UBE2E2: variants seen among roughly 807,000 people sequenced by gnomAD.
The protein encoded by UBE2E2 is ubiquitin conjugating enzyme E2 E2, also known as ubiquitin-conjugating enzyme E2 E2.
A neutral mutation model predicts 24.7 loss-of-function variants in UBE2E2; 6 were observed. That is an observed-to-expected ratio of 0.24 (90% CI 0.13 to 0.48). The LOEUF (loss-of-function observed/expected upper bound fraction) is 0.48. Ranked by LOEUF, UBE2E2 falls within the 20% of genes least tolerant of loss-of-function variation. UBE2E2 has a pLI of 0.99. For synonymous variants in UBE2E2, 104 were observed against 83.6 expected (o/e 1.24, Z -1.33); for missense variants, 169 against 245.0 (o/e 0.69, Z 2.07).
chr3:23,485,713 G>A (rs1176955912), intron 3 of UBE2E2, among the ~76,000 whole-genome samples: 2 of 152,150 alleles, frequency 1.3e-5, no homozygotes, highest in East Asian at 1.9e-4. Flanking sequence ...ATTCTTCACT[G>A]AATTATAAAC....
chr3:23,377,149 A>G (rs763478961), intron 3 of UBE2E2, among the ~76,000 whole-genome samples: 10 of 152,272 alleles, frequency 6.6e-5, no homozygotes, highest in Non-Finnish European at 1.3e-4. Context: ...TCTGTTTCTG[A>G]CCATGGATAG....
chr3:23,208,342 A>G (rs949449677), intron 1 of UBE2E2, among the ~76,000 whole-genome samples: 12 of 152,182 alleles, frequency 7.9e-5, no homozygotes, highest in African/African-American at 2.4e-4. Flanking sequence ...TAGACACAGT[A>G]CTTCATTCTT....
At chr3:23,564,663 G>A (rs1446928725) in intron 5 of UBE2E2, among the ~76,000 whole-genome samples, 5 of 152,032 alleles carry the variant, frequency 3.3e-5, no homozygotes, top group African/African-American at 1.2e-4. Flanking sequence ...GTTGAGTTAG[G>A]GTCCTGGTAG....
intron 3 of UBE2E2, among the ~76,000 whole-genome samples, chr3:23,331,717 G>A (rs1467603366): frequency 6.6e-6 from 1 of 152,110 alleles, no homozygotes; most frequent in Admixed American, 6.6e-5. Context: ...TGGAAAGAGT[G>A]GGAGGAGATG....
At chr3:23,270,152 C>CTTTT (rs71051207) in intron 3 of UBE2E2, among the ~76,000 whole-genome samples, 3 of 100,728 alleles carry the variant, frequency 3.0e-5, no homozygotes, top group African/African-American at 8.0e-5. Context: ...CCCCCTCCTC[C>CTTTT]TTTTTTTTTT....
chr3:23,445,356 A>G (rs1382833318), intron 3 of UBE2E2, among the ~76,000 whole-genome samples: 1 of 152,192 alleles, frequency 6.6e-6, no homozygotes, highest in Non-Finnish European at 1.5e-5. Flanking sequence ...TCATTTTTCC[A>G]GACCTCCTTA....
In UBE2E2 at chr3:23,407,394, T is replaced by C. The variant is rs764066638; in HGVS notation, c.228-92214T>C. On this transcript the variant is annotated intron_variant, in intron 3 of 5. Coordinates refer to ENST00000396703, the MANE Select transcript of UBE2E2 (RefSeq NM_152653.4). This position sits in a 1 kb window ranked among gnomAD's most constrained non-coding sequence, Gnocchi z 4.0. ...CCAGTGTCCACAAATGTAAATGATA[T>C]ATTGACATCTTGACATCTTGATTAA... is the stretch of plus-strand genomic sequence containing the variant. Among the ~76,000 whole-genome samples, 1 of 152,194 alleles carries C rather than the reference T, an allele frequency of 6.6e-6. No homozygotes were observed. The highest frequency in any genetic ancestry group is 2.1e-4 in the South Asian group (1 of 4,838).
At chr3:23,269,213 A>C (rs1698160109) in intron 3 of UBE2E2, among the ~76,000 whole-genome samples, 1 of 145,944 alleles carries the variant, frequency 6.9e-6, no homozygotes, top group African/African-American at 2.5e-5. Context: ...GGATCTAATT[A>C]AACTAAAGAA....
intron 3 of UBE2E2, among the ~76,000 whole-genome samples, chr3:23,472,709 C>T (rs1230829469): frequency 2.0e-5 from 3 of 151,118 alleles, no homozygotes; most frequent in Non-Finnish European, 2.9e-5. Flanking sequence ...AGTGCAGTGC[C>T]GTGATCACAG....
At chr3:23,321,229 A>G (rs1495131) in intron 3 of UBE2E2, among the ~76,000 whole-genome samples, 62,046 of 152,060 alleles carry the variant, frequency 0.41, 13,371 homozygotes, top group Admixed American at 0.54. Flanking sequence ...TGATTAACTT[A>G]CAGATTTGGG....
intron 3 of UBE2E2, among the ~76,000 whole-genome samples, chr3:23,361,985 A>G (rs1696127726): frequency 6.6e-6 from 1 of 152,246 alleles, no homozygotes; most frequent in Admixed American, 6.5e-5. Context: ...TCTCATAAAT[A>G]GTGGGTACAT....
chr3:23,262,478 A>G (rs1411701357), intron 3 of UBE2E2, among the ~76,000 whole-genome samples: 1 of 152,042 alleles, frequency 6.6e-6, no homozygotes, highest in Non-Finnish European at 1.5e-5. Flanking sequence ...ATGCGGTCTC[A>G]TTATGTTGCC....
At chr3:23,460,490 G>A (rs757336674) in intron 3 of UBE2E2, among the ~76,000 whole-genome samples, 7 of 152,154 alleles carry the variant, frequency 4.6e-5, no homozygotes, top group Non-Finnish European at 2.9e-5. Flanking sequence ...TTTTTGGTGT[G>A]TAATAAGCCC....
At chr3:23,406,522 G>T (rs150441598) in intron 3 of UBE2E2, among the ~76,000 whole-genome samples, 1 of 152,276 alleles carries the variant, frequency 6.6e-6, no homozygotes. Context: ...TAATATTGTT[G>T]TTATGTATCC....
chr3:23,380,925 C>G (rs1474559294), intron 3 of UBE2E2, among the ~76,000 whole-genome samples: 1 of 152,098 alleles, frequency 6.6e-6, no homozygotes, highest in Non-Finnish European at 1.5e-5. Flanking sequence ...TGAAACATAA[C>G]TAGTTTATAA....
At chr3:23,291,824 A>G (rs1698772489) in intron 3 of UBE2E2, among the ~76,000 whole-genome samples, 1 of 144,628 alleles carries the variant, frequency 6.9e-6, no homozygotes, top group South Asian at 2.2e-4. Context: ...CTGGAATTAC[A>G]GATGTGTGCC....
intron 2 of UBE2E2, among the ~76,000 whole-genome samples, chr3:23,216,749 T>C (rs1471841419): frequency 2.0e-5 from 3 of 152,202 alleles, no homozygotes; most frequent in East Asian, 3.9e-4. Flanking sequence ...TTCTAGCCGA[T>C]GAAATAGTGT....
chr3:23,503,401 G>A (rs1694334696), intron 4 of UBE2E2, among the ~76,000 whole-genome samples: 1 of 151,618 alleles, frequency 6.6e-6, no homozygotes, highest in Non-Finnish European at 1.5e-5. Flanking sequence ...ATGTTGGCCA[G>A]GCTGGTGTTG....
chr3:23,477,441 A>G (rs555764392), intron 3 of UBE2E2, among the ~76,000 whole-genome samples: 1 of 152,330 alleles, frequency 6.6e-6, no homozygotes, highest in South Asian at 2.1e-4. Context: ...ATTTCTCACA[A>G]TCAGTATATT....
Sources: allele counts gnomAD v4.1 joint callset (sites outside exome capture counted in the v4.1 genomes callset), GRCh38; gene constraint gnomAD v4.1.1; non-coding constraint Gnocchi (gnomAD v3.1); transcripts MANE v1.5; gene names NCBI Gene and HGNC (gene_info 2026-07-23, HGNC 2026-07-21).